KAT6A: variants seen among roughly 807,000 people sequenced by gnomAD.
KAT6A encodes lysine acetyltransferase 6A, also known as histone acetyltransferase KAT6A.
KAT6A carries 9 observed loss-of-function variants against 198.4 expected under a neutral mutation model. The observed-to-expected ratio is 0.05, with a 90% CI of 0.03 to 0.08. The LOEUF (loss-of-function observed/expected upper bound fraction) is 0.08. KAT6A is among the 10% of genes least tolerant of loss of function. The probability of loss-of-function intolerance (pLI) is 1.00; values close to 1 mark genes in which losing one functional copy is unlikely to be tolerated. For missense variants in KAT6A, 2,077 were observed against 2,509.9 expected, an observed-to-expected ratio of 0.83 and a Z score of 3.69; for synonymous variants, 890 against 883.0, an observed-to-expected ratio of 1.01 and a Z score of -0.14.
chr8:41,982,822 C>T (rs981862253), intron 3 of KAT6A, among the ~76,000 whole-genome samples: 1 of 152,130 alleles, frequency 6.6e-6, no homozygotes, highest in African/African-American at 2.4e-5. Flanking sequence ...TTATTCTTAA[C>T]CTCTTACTGT....
chr8:42,040,017 G>A (rs1262762761), intron 2 of KAT6A, among the ~76,000 whole-genome samples: 4 of 151,888 alleles, frequency 2.6e-5, no homozygotes, highest in African/African-American at 9.7e-5. Flanking sequence ...AAAGTGCTGG[G>A]ATTATAGGCG....
At chr8:42,015,360 A>G (rs1333916415) in intron 2 of KAT6A, among the ~76,000 whole-genome samples, 2 of 152,290 alleles carry the variant, frequency 1.3e-5, no homozygotes, top group African/African-American at 4.8e-5. Context: ...CTATGCAAAC[A>G]ACTTTCCAGA....
Position 41,947,678 on chromosome 8 carries a change from C to T in KAT6A, c.1902+73G>A, listed in dbSNP as rs149215550. The T allele has an allele frequency of 1.3e-4, 169 of 1,256,558 alleles. No individual in the cohort carries two copies. The African/African-American group carries it at 2.3e-3, about 17-fold the overall frequency. 77.8% of individuals were successfully genotyped at this position (1,256,558 alleles called of 1,614,324 possible). The stretch of plus-strand genomic sequence containing the variant: ...GGAGGTGCTGCATCTTGTTGTGTCC[C>T]CGAGTGAGAACCAGCAAAGATTCTT... On this transcript the variant is annotated intron_variant, in intron 11 of 16. Transcript: ENST00000265713.
chr8:41,982,102 AT>A, intron 3 of KAT6A, 148 bp from the exon 4 acceptor site: 1 of 572,970 alleles, frequency 1.7e-6, no homozygotes, highest in Non-Finnish European at 3.2e-6. Flanking sequence ...CCTGCCACAC[AT>A]TTCTCATCAG....
rs10701182 is a variant in KAT6A, at chr8:42,006,995, C to CAAAA, written c.601-19436_601-19433dup. Among the ~76,000 whole-genome samples, 320 of 88,114 alleles carry CAAAA rather than the reference C, an allele frequency of 3.6e-3. 7 individuals are homozygous for CAAAA. The highest frequency in any genetic ancestry group is 0.012 in the African/African-American group (277 of 22,892). The allele number at this position is 88,114 out of a possible 152,430, so 57.8% of individuals were successfully genotyped here. ...TGGATGACAGAGCAAGACTCCATCT[C>CAAAA]AAAAAAAAAAAAAAAAAAAAATCAG... On this transcript the variant is annotated intron_variant, in intron 2 of 16. Transcript: ENST00000265713.
chr8:42,006,832 C>T (rs1008249900), intron 2 of KAT6A, among the ~76,000 whole-genome samples: 1 of 151,806 alleles, frequency 6.6e-6, no homozygotes, highest in African/African-American at 2.4e-5. Context: ...CCTGTTTCTA[C>T]TAAAAATACA....
chr8:42,042,254 C>T (rs534914332), intron 2 of KAT6A, among the ~76,000 whole-genome samples: 20 of 151,974 alleles, frequency 1.3e-4, no homozygotes, highest in African/African-American at 4.6e-4. Context: ...GTCAGGAGTT[C>T]GAGACCAGCC....
At chr8:41,955,635 T>C (rs1045697855) in intron 8 of KAT6A, among the ~76,000 whole-genome samples, 2 of 152,152 alleles carry the variant, frequency 1.3e-5, no homozygotes, top group South Asian at 2.1e-4. Context: ...ACCAAATGCA[T>C]TGGGTGTTGC....
chr8:41,947,220 A>G (rs1822442911), intron 11 of KAT6A, among the ~76,000 whole-genome samples: 1 of 152,264 alleles, frequency 6.6e-6, no homozygotes, highest in Non-Finnish European at 1.5e-5. Context: ...ATAAATGCTT[A>G]TAAAAAGCTA....
chr8:42,000,909 T>C (rs1328236613), intron 2 of KAT6A, among the ~76,000 whole-genome samples: 1 of 152,170 alleles, frequency 6.6e-6, no homozygotes, highest in Non-Finnish European at 1.5e-5. Flanking sequence ...CAAAGTCAGG[T>C]AGATATTCTG....
intron 2 of KAT6A, among the ~76,000 whole-genome samples, chr8:42,043,735 G>A (rs929356503): frequency 2.0e-5 from 3 of 152,200 alleles, no homozygotes; most frequent in Admixed American, 1.3e-4. Flanking sequence ...ATACATTACT[G>A]CTCCTAAGAG....
chr8:41,937,522 T>C lies in KAT6A; in HGVS notation c.3086A>G (p.His1029Arg), dbSNP rs770881077. 103 of 1,614,100 alleles carry C rather than the reference T, an allele frequency of 6.4e-5. No homozygotes were observed. In the Middle Eastern group the frequency reaches 6.6e-4, roughly 10 times the overall value. Residue 1029 changes from histidine (H) to arginine (R), a missense_variant, in exon 16 of 17, where the codon CAC (histidine) becomes CGC (arginine). Around this residue, in one of 13 missense-constraint regions of KAT6A, gnomAD observed 19 missense variants for 40.5 expected, o/e 0.47. Transcript: ENST00000265713. ...AGTTTCTGTGACTACACTGCTATTGTGGTGTTTGCGCTTTCGGACTCTCCT... is the reference window on the plus strand; with the variant it reads ...AGTTTCTGTGACTACACTGCTATTGCGGTGTTTGCGCTTTCGGACTCTCCT... ...RRRRVRKRKH[H>R]NSSVVTETIS...
chr8:41,946,327 T>A (rs1482190450), intron 12 of KAT6A, among the ~76,000 whole-genome samples: 1 of 152,114 alleles, frequency 6.6e-6, no homozygotes, highest in African/African-American at 2.4e-5. Context: ...GGTCTTGAAC[T>A]ACTGGGCTCA....
chr8:42,047,400 C>T (rs982437386), intron 2 of KAT6A, among the ~76,000 whole-genome samples: 2 of 152,084 alleles, frequency 1.3e-5, no homozygotes, highest in African/African-American at 4.8e-5. Context: ...ATCAAAACTC[C>T]CAACTCTCCA....
chr8:42,017,634 C>T (rs902185369), intron 2 of KAT6A, among the ~76,000 whole-genome samples: 1 of 152,058 alleles, frequency 6.6e-6, no homozygotes, highest in African/African-American at 2.4e-5. Flanking sequence ...CAAGGGACTA[C>T]AGTGTGCTGG....
At position 41,946,128 on chromosome 8, in the gene KAT6A, C is replaced by G. The variant is rs548771832; in HGVS notation, c.1996+463G>C. 1.9e-3 allele frequency among the ~76,000 whole-genome samples: 291 copies of G among 152,032 alleles called. 1 individual carries two copies. Among genetic ancestry groups the G allele is most frequent in the African/African-American group, 6.5e-3 (268 of 41,454 alleles). ...ATTTTTATTTTGAGACAGAGTCTTG[C>G]TCTGTGGCCCAGGCTAGGGCCTGCA... On this transcript the variant is annotated intron_variant, in intron 12 of 16. Coordinates refer to ENST00000265713, the MANE Select transcript of KAT6A (RefSeq NM_006766.5).
At position 41,930,055 on chromosome 8, in the gene KAT6A, C is replaced by CT. The variant is rs962476036; in HGVS notation, c.*2149dup. 2.7e-4 allele frequency: 61 copies of CT among 226,342 alleles called. No homozygotes were observed. Among genetic ancestry groups the CT allele is most frequent in the Middle Eastern group, 1.3e-3 (1 of 744 alleles). 14.0% of individuals were successfully genotyped at this position (226,342 alleles called of 1,614,324 possible). On this transcript the variant is annotated 3_prime_UTR_variant, in exon 17 of 17. Transcript: ENST00000265713. ...ATTTCTTTTATAATATAGAAAAGAA[C>CT]TTTTTTTTTCTACAATAGTTCTACA...
intron 8 of KAT6A, among the ~76,000 whole-genome samples, chr8:41,955,867 T>A (rs1475482260): frequency 6.6e-6 from 1 of 152,162 alleles, no homozygotes; most frequent in African/African-American, 2.4e-5. Flanking sequence ...CAAAGGATGA[T>A]TTTTTAGTTT....
At position 41,957,143 on chromosome 8, in the gene KAT6A, C is replaced by A. The variant is rs188375130; in HGVS notation, c.1483-1732G>T. 396 of 600,410 alleles carry A rather than the reference C, an allele frequency of 6.6e-4. 1 individual carries two copies. Among genetic ancestry groups the A allele is most frequent in the African/African-American group, 6.2e-3 (344 of 55,144 alleles). The allele number at this position is 600,410 out of a possible 1,614,324, so 37.2% of individuals were successfully genotyped here. ...CGATGTGAAAGTGGATATCCAGTTCCAGTACAGCTGTTTGCACATCACCAC... is the reference window on the plus strand; with the variant it reads ...CGATGTGAAAGTGGATATCCAGTTCAAGTACAGCTGTTTGCACATCACCAC... On this transcript the variant is annotated intron_variant, in intron 8 of 16. Transcript: ENST00000265713.
Sources: gnomAD v4.1 joint callset for allele counts (sites outside exome capture counted in the v4.1 genomes callset) on GRCh38, gnomAD v4.1.1 for gene constraint, gnomAD v4.1.1 regional missense constraint, MANE v1.5 for transcripts, NCBI Gene and HGNC (gene_info 2026-07-23, HGNC 2026-07-21) for gene names.